RAB8B: variants seen among roughly 807,000 people sequenced by gnomAD.
RAB8B encodes RAB8B, member RAS oncogene family.
RAB8B carries 11 observed loss-of-function variants against 32.0 expected under a neutral mutation model. The observed-to-expected ratio is 0.34, with a 90% CI of 0.22 to 0.57. The LOEUF is 0.57. Ranked by LOEUF, RAB8B falls within the 20% of genes least tolerant of loss-of-function variation. RAB8B has a pLI of 0.86. For missense variants in RAB8B, 190 were observed against 258.5 expected, an observed-to-expected ratio of 0.73 and a Z score of 1.82; for synonymous variants, 103 against 89.6, an observed-to-expected ratio of 1.15 and a Z score of -0.85.
At chr15:63,255,360 C>T in intron 3 of RAB8B, 147 bp from the exon 4 acceptor site, 1 of 519,608 alleles carries the variant, frequency 1.9e-6, no homozygotes, top group Non-Finnish European at 3.4e-6. Flanking sequence ...TTTTGTTTCT[C>T]TGTACTTTTC....
intron 2 of RAB8B, among the ~76,000 whole-genome samples, chr15:63,245,060 A>G (rs1468999828): frequency 1.3e-5 from 2 of 152,228 alleles, no homozygotes; most frequent in Non-Finnish European, 2.9e-5. Flanking sequence ...TTCCAAAACT[A>G]TAATTTTTGA....
intron 1 of RAB8B, among the ~76,000 whole-genome samples, chr15:63,236,731 C>T (rs2037984002): frequency 6.6e-6 from 1 of 152,090 alleles, no homozygotes; most frequent in African/African-American, 2.4e-5. Flanking sequence ...TATCCATCAC[C>T]TCAAGCATTT....
chr15:63,227,127 C>T (rs1158211616), intron 1 of RAB8B, among the ~76,000 whole-genome samples: 3 of 152,196 alleles, frequency 2.0e-5, no homozygotes, highest in Non-Finnish European at 4.4e-5. Flanking sequence ...TTTGTGCTGA[C>T]GTCCTGTCTC....
chr15:63,218,635 G>A (rs748470677), intron 1 of RAB8B, among the ~76,000 whole-genome samples: 7 of 152,274 alleles, frequency 4.6e-5, no homozygotes, highest in South Asian at 2.1e-4. Context: ...AATGATGTCA[G>A]TTACCACACT....
intron 1 of RAB8B, among the ~76,000 whole-genome samples, chr15:63,241,446 G>T (rs958506806): frequency 2.6e-5 from 4 of 151,956 alleles, no homozygotes; most frequent in African/African-American, 7.3e-5. Context: ...GAAAGTCATT[G>T]TTTTTTTTAT....
chr15:63,219,003 G>GGTTTTT (rs1567012548), intron 1 of RAB8B, among the ~76,000 whole-genome samples: 1 of 48,814 alleles, frequency 2.0e-5, no homozygotes, highest in Non-Finnish European at 4.9e-5. Context: ...TCCAGCAGTG[G>GGTTTTT]ATTTTTTTTT....
At chr15:63,207,488 A>G (rs534523120) in intron 1 of RAB8B, among the ~76,000 whole-genome samples, 66 of 150,636 alleles carry the variant, frequency 4.4e-4, no homozygotes, top group African/African-American at 1.6e-3. Flanking sequence ...TTTTTAACCC[A>G]TATTTTTTTT....
At chr15:63,240,263 A>C (rs1171538739) in intron 1 of RAB8B, among the ~76,000 whole-genome samples, 3 of 152,200 alleles carry the variant, frequency 2.0e-5, no homozygotes, top group Non-Finnish European at 2.9e-5. Flanking sequence ...TTGGCACAGT[A>C]TCCTGGAAAG....
At chr15:63,195,789 G>T (rs983139929) in intron 1 of RAB8B, among the ~76,000 whole-genome samples, 1 of 152,212 alleles carries the variant, frequency 6.6e-6, no homozygotes, top group Non-Finnish European at 1.5e-5. Flanking sequence ...TGAGAAGAGG[G>T]TTGGGGGTGA....
In RAB8B at chr15:63,223,890, C is replaced by T. The variant is rs997276451; in HGVS notation, c.125-20866C>T. On this transcript the variant is annotated intron_variant, in intron 1 of 7. Transcript: ENST00000321437. ...GAATAAAAACAACCCATTTTATTAT[C>T]CCACAAAATGTCTGCTAATGAAGCA... 5.1e-5 allele frequency: 22 copies of T among 434,232 alleles called. 1 individual carries two copies. The highest frequency in any genetic ancestry group is 1.0e-4 in the Non-Finnish European group (22 of 216,106). 26.9% of individuals were successfully genotyped at this position (434,232 alleles called of 1,614,324 possible). A position where few individuals can be genotyped will look rare whatever the true frequency, so the allele number is the denominator to read the frequency against.
chr15:63,215,556 G>GA (rs1377266350), intron 1 of RAB8B, among the ~76,000 whole-genome samples: 2 of 152,160 alleles, frequency 1.3e-5, no homozygotes, highest in African/African-American at 4.8e-5. Context: ...CTATCAAAAG[G>GA]AAAGTTCTTT....
intron 1 of RAB8B, among the ~76,000 whole-genome samples, chr15:63,235,499 T>G (rs1211645326): frequency 6.6e-6 from 1 of 152,116 alleles, no homozygotes; most frequent in African/African-American, 2.4e-5. Context: ...CTCATGTCCA[T>G]GTACCCACCA....
intron 1 of RAB8B, among the ~76,000 whole-genome samples, chr15:63,214,080 CA>C (rs758393362): frequency 1.0e-4 from 14 of 139,632 alleles, no homozygotes; most frequent in Non-Finnish European, 2.0e-4. Flanking sequence ...GACTCTGTCT[CA>C]GGGGAAAAAA....
intron 1 of RAB8B, among the ~76,000 whole-genome samples, chr15:63,224,171 T>C (rs2037870467): frequency 6.6e-6 from 1 of 152,254 alleles, no homozygotes; most frequent in Non-Finnish European, 1.5e-5. Context: ...TTTATTTTTA[T>C]CATTTGTAGT....
At chr15:63,218,184 CATT>C (rs1193915487) in intron 1 of RAB8B, among the ~76,000 whole-genome samples, 2 of 152,078 alleles carry the variant, frequency 1.3e-5, no homozygotes, top group Non-Finnish European at 2.9e-5. Flanking sequence ...CAGTTGAGTT[CATT>C]ATCCCAGTTT....
At chr15:63,249,775 A>G (rs934727027) in intron 3 of RAB8B, 70 bp downstream of exon 3, 4 of 1,469,036 alleles carry the variant, frequency 2.7e-6, no homozygotes, top group East Asian at 2.3e-5. Context: ...TGCCAAGATT[A>G]TAGGATTCAA....
intron 1 of RAB8B, among the ~76,000 whole-genome samples, chr15:63,209,292 A>T (rs564722177): frequency 6.6e-6 from 1 of 151,994 alleles, no homozygotes; most frequent in Non-Finnish European, 1.5e-5. Context: ...GGATGATATT[A>T]TGAAATACTT....
chr15:63,240,104 G>C (rs1338379547), intron 1 of RAB8B, among the ~76,000 whole-genome samples: 1 of 152,064 alleles, frequency 6.6e-6, no homozygotes, highest in East Asian at 1.9e-4. Context: ...GCAGTGTCAG[G>C]AGAATGGTGC....
intron 1 of RAB8B, among the ~76,000 whole-genome samples, chr15:63,209,636 A>T (rs1414088582): frequency 1.3e-5 from 2 of 151,992 alleles, no homozygotes; most frequent in Non-Finnish European, 2.9e-5. Flanking sequence ...TAAAACCGTC[A>T]TTTTCTGGGG....
Sources: gnomAD v4.1 joint callset for allele counts (sites outside exome capture counted in the v4.1 genomes callset) on GRCh38, gnomAD v4.1.1 for gene constraint, MANE v1.5 for transcripts, NCBI Gene and HGNC (gene_info 2026-07-23, HGNC 2026-07-21) for gene names.